The following ESYT2 variants were observed in gnomAD, a reference collection of about 807,000 sequenced individuals.
ESYT2 encodes extended synaptotagmin-2.
A neutral mutation model predicts 107.2 loss-of-function variants in ESYT2; 54 were observed. The ratio of observed to expected loss-of-function variants is 0.50; its 90% CI spans 0.40 to 0.63. The LOEUF (loss-of-function observed/expected upper bound fraction) is 0.63, where lower values mean the gene tolerates loss of function less well. ESYT2 is among the 30% of genes least tolerant of loss of function. The probability of loss-of-function intolerance (pLI) is 0.00; values close to 1 mark genes in which losing one functional copy is unlikely to be tolerated. For synonymous variants in ESYT2, 491 were observed against 434.1 expected (o/e 1.13, Z -1.63); for missense variants, 1,020 against 1,094.5 (o/e 0.93, Z 0.96).
chr7:158,787,848 C>T (rs1428333661), intron 6 of ESYT2, among the ~76,000 whole-genome samples, 156 bp downstream of exon 6: 2 of 152,062 alleles, frequency 1.3e-5, no homozygotes, highest in Non-Finnish European at 2.9e-5. Flanking sequence ...TCAGTTAAGG[C>T]ACAAAGAAAT....
intron 1 of ESYT2, among the ~76,000 whole-genome samples, chr7:158,827,311 T>C (rs1402587696): frequency 6.6e-6 from 1 of 152,176 alleles, no homozygotes; most frequent in African/African-American, 2.4e-5. Context: ...ATTGCTATGT[T>C]ATCAATATAA....
Position 158,756,030 on chromosome 7 carries a change from G to A in ESYT2, c.1420-3187C>T, listed in dbSNP as rs1202678925. The stretch of plus-strand genomic sequence containing the variant: ...TAAAAATATAATTTAAAATAATTAA[G>A]TAAATAAATAAACAAAATACCTGCT... On this transcript the variant is annotated intron_variant, in intron 13 of 22. Transcript: ENST00000275418. 2.0e-5 allele frequency among the ~76,000 whole-genome samples: 3 copies of A among 152,292 alleles called. No homozygotes were observed. The East Asian group carries it at 5.8e-4, about 29-fold the overall frequency.
At chr7:158,824,061 TTAAAC>T (rs777842771) in intron 1 of ESYT2, among the ~76,000 whole-genome samples, 4 of 152,222 alleles carry the variant, frequency 2.6e-5, no homozygotes, top group Admixed American at 1.3e-4. Flanking sequence ...ATTTTTTAGC[TTAAAC>T]TAAAAACCTG....
chr7:158,734,319 C>T (rs184001011), intron 22 of ESYT2, 67 bp from the exon 23 acceptor site: 134 of 1,612,350 alleles, frequency 8.3e-5, no homozygotes, highest in East Asian at 5.6e-4. Flanking sequence ...CTATCAGATA[C>T]GTGTCGGGTT....
intron 19 of ESYT2, among the ~76,000 whole-genome samples, chr7:158,738,486 C>CT (rs146289601): frequency 0.11 from 16,237 of 151,860 alleles, 1,311 homozygotes; most frequent in East Asian, 0.43. Flanking sequence ...CAAAGTTTCG[C>CT]TCTTGTTGCC....
chr7:158,818,628 G>A lies in ESYT2; in HGVS notation c.330+10461C>T, dbSNP rs373224671. Among the ~76,000 whole-genome samples the A allele has an allele frequency of 3.3e-5, 5 of 152,232 alleles. No homozygotes were observed. In the South Asian group the frequency reaches 8.3e-4, roughly 25 times the overall value. Reference sequence around the variant, plus strand: ...GGCCTGTGACTCAGACGGCTGACCCGAGGACATGCCTCCCTGCCCGCCCAT... The same window carrying A: ...GGCCTGTGACTCAGACGGCTGACCCAAGGACATGCCTCCCTGCCCGCCCAT... On this transcript the variant is annotated intron_variant, in intron 1 of 22. Coordinates refer to ENST00000275418, the MANE Select transcript of ESYT2 (RefSeq NM_001367773.1).
At chr7:158,773,139 T>C (rs574703361) in intron 7 of ESYT2, among the ~76,000 whole-genome samples, 6 of 152,174 alleles carry the variant, frequency 3.9e-5, no homozygotes, top group African/African-American at 1.2e-4. Context: ...CCTCCCGCCC[T>C]GGCCCATCGC....
chr7:158,800,724 C>CTTTT (rs1563028964), intron 1 of ESYT2, among the ~76,000 whole-genome samples: 3 of 141,422 alleles, frequency 2.1e-5, no homozygotes, highest in African/African-American at 5.3e-5. Flanking sequence ...TTTCTTTTTT[C>CTTTT]TTTTCTTTTC....
chr7:158,815,044 A>G (rs959200430), intron 1 of ESYT2, among the ~76,000 whole-genome samples: 1 of 152,196 alleles, frequency 6.6e-6, no homozygotes. Flanking sequence ...TACCTGTAAA[A>G]CAAAGGTGGC....
At chr7:158,815,799 T>G (rs535644042) in intron 1 of ESYT2, among the ~76,000 whole-genome samples, 1 of 152,326 alleles carries the variant, frequency 6.6e-6, no homozygotes, top group Non-Finnish European at 1.5e-5. Flanking sequence ...CAAGATGTGA[T>G]CAATTATAAG....
At chr7:158,790,911 G>A (rs1386477940) in intron 4 of ESYT2, among the ~76,000 whole-genome samples, 1 of 152,130 alleles carries the variant, frequency 6.6e-6, no homozygotes, top group East Asian at 1.9e-4. Context: ...CTGGACAACA[G>A]AGTGAGACTC....
At chr7:158,782,495 A>G (rs1008020910) in intron 6 of ESYT2, among the ~76,000 whole-genome samples, 6 of 92,788 alleles carry the variant, frequency 6.5e-5, no homozygotes, top group Non-Finnish European at 1.3e-4. Context: ...GGTGTGTGTG[A>G]AACAAGTGAG....
chr7:158,764,881 G>C (rs1159983494), intron 8 of ESYT2, 28 bp from the exon 9 acceptor site: 4 of 1,608,174 alleles, frequency 2.5e-6, no homozygotes, highest in Non-Finnish European at 3.4e-6. Context: ...CTGAAGTTTA[G>C]ACCCTTGGCT....
chr7:158,758,468 G>A (rs1160095145), intron 13 of ESYT2, among the ~76,000 whole-genome samples: 2 of 152,176 alleles, frequency 1.3e-5, no homozygotes, highest in South Asian at 2.1e-4. Flanking sequence ...TGAGTTAAAC[G>A]CTTCTTTGCC....
chr7:158,766,148 G>T (rs549443756), intron 8 of ESYT2, among the ~76,000 whole-genome samples: 2 of 151,696 alleles, frequency 1.3e-5, no homozygotes, highest in African/African-American at 4.9e-5. Flanking sequence ...CAGCCTGGGC[G>T]ACAGAGCGAG....
At chr7:158,756,500 T>TA (rs1587395410) in intron 13 of ESYT2, among the ~76,000 whole-genome samples, 1 of 152,140 alleles carries the variant, frequency 6.6e-6, no homozygotes, top group African/African-American at 2.4e-5. Context: ...AATTTTTATT[T>TA]AAAAAATGGG....
chr7:158,805,069 C>G (rs1359615355), intron 1 of ESYT2, among the ~76,000 whole-genome samples: 1 of 152,212 alleles, frequency 6.6e-6, no homozygotes. Flanking sequence ...GAGGATCTGA[C>G]GGAGCACTTG....
intron 3 of ESYT2, among the ~76,000 whole-genome samples, chr7:158,795,161 A>G (rs143948753): frequency 9.2e-5 from 14 of 152,330 alleles, no homozygotes; most frequent in Admixed American, 9.1e-4. Context: ...TGGTCAGCAC[A>G]CAGTCTGGCC....
intron 19 of ESYT2, 30 bp downstream of exon 19, chr7:158,738,993 G>A (rs760264171): frequency 1.3e-5 from 21 of 1,601,610 alleles, no homozygotes; most frequent in African/African-American, 2.7e-5. Context: ...CAGCAGCACA[G>A]CAGCGGGCGC....
Sources: gnomAD v4.1 joint callset for allele counts (sites outside exome capture counted in the v4.1 genomes callset) on GRCh38, gnomAD v4.1.1 for gene constraint, MANE v1.5 for transcripts, NCBI Gene and HGNC (gene_info 2026-07-23, HGNC 2026-07-21) for gene names.